The following PROM2 variants were observed in gnomAD, a reference collection of about 807,000 sequenced individuals.
PROM2 encodes the protein prominin-2.
Under a neutral mutation model 110.2 loss-of-function variants are expected in PROM2, and 90 were observed. The observed-to-expected ratio is 0.82, with a 90% CI of 0.69 to 0.97. The LOEUF (loss-of-function observed/expected upper bound fraction) is 0.97. PROM2 is among the 50% of genes least tolerant of loss of function. PROM2 has a pLI of 0.00. For synonymous variants in PROM2, 470 were observed against 467.8 expected (o/e 1.00, Z -0.06); for missense variants, 1,009 against 1,074.8 (o/e 0.94, Z 0.86).
At position 95,286,769 on chromosome 2, in the gene PROM2, C is replaced by T. The variant is rs762943591; in HGVS notation, c.2041-35C>T. The T allele has an allele frequency of 3.1e-6, 5 of 1,594,864 alleles. No individual in the cohort carries two copies. The Admixed American group carries it at 8.4e-5, about 27-fold the overall frequency. On this transcript the variant is annotated intron_variant, in intron 17 of 23. Coordinates refer to ENST00000317620, the MANE Select transcript of PROM2 (RefSeq NM_001165978.3). ...CCCTCTCCTCCCTCCCCTTCCCTTG[C>T]ACTCCCCTAACCAGCCCTGATCTCT...
chr2:95,281,408 G>A (rs1305123264), intron 12 of PROM2, 43 bp downstream of exon 12: 4 of 1,591,104 alleles, frequency 2.5e-6, no homozygotes, highest in Non-Finnish European at 3.4e-6. Context: ...GGAGAGAGGT[G>A]GGGGGCGGTA....
At chr2:95,288,445 C>A in intron 21 of PROM2, 38 bp from the exon 22 acceptor site, 1 of 1,602,426 alleles carries the variant, frequency 6.2e-7, no homozygotes, top group South Asian at 1.1e-5. Context: ...GGCTGGGTGC[C>A]ACGTGGGTTG....
chr2:95,276,913 A>C lies in PROM2; in HGVS notation c.683-59A>C. The C allele has an allele frequency of 1.3e-6, 2 of 1,498,612 alleles. No homozygotes were observed. The highest frequency in any genetic ancestry group is 1.8e-6 in the Non-Finnish European group (2 of 1,099,814). The allele number at this position is 1,498,612 out of a possible 1,614,324, so 92.8% of individuals were successfully genotyped here. A position where few individuals can be genotyped will look rare whatever the true frequency, so the allele number is the denominator to read the frequency against. The stretch of plus-strand genomic sequence containing the variant: ...TGGGGCCTGGGGAGGCAGGATGGGA[A>C]TGGGGAGGGCCCCTCCACTCTTGGG... On this transcript the variant is annotated intron_variant, in intron 5 of 23. Coordinates refer to ENST00000317620, the MANE Select transcript of PROM2 (RefSeq NM_001165978.3). The surrounding 1 kb of genome is among the most constrained non-coding windows in gnomAD (Gnocchi z 4.6).
Position 95,274,556 on chromosome 2 carries a change from T to A in PROM2, c.-30T>A. On this transcript the variant is annotated 5_prime_UTR_variant, in exon 1 of 24. Coordinates refer to ENST00000317620, the MANE Select transcript of PROM2 (RefSeq NM_001165978.3). The stretch of plus-strand genomic sequence containing the variant: ...TGCCCTGGGCTTGTCTGTTCCCTCC[T>A]GAGCCTGAGCCCCTTACCTTCCTGA... The A allele has an allele frequency of 6.5e-7, 1 of 1,541,070 alleles. No homozygotes were observed. The highest frequency in any genetic ancestry group is 8.8e-7 in the Non-Finnish European group (1 of 1,141,600).
At position 95,288,289 on chromosome 2, in the gene PROM2, G is replaced by T. The variant is rs1180994046; in HGVS notation, c.2323G>T (p.Ala775Ser). Residue 775 changes from alanine (A) to serine (S), a missense_variant, in exon 21 of 24, where the codon GCT becomes TCT. Transcript: ENST00000317620. Reference protein sequence around the residue: ...NSRVILCDMMADPWNAFWFCL... With the variant: ...NSRVILCDMMSDPWNAFWFCL... Reference sequence around the variant, plus strand: ...CCGTGTGATCCTGTGTGACATGATGGCTGACCCCTGGGTGAGTGCCCCAGC... The same window carrying T: ...CCGTGTGATCCTGTGTGACATGATGTCTGACCCCTGGGTGAGTGCCCCAGC... 1 of 1,614,064 alleles carries T rather than the reference G, an allele frequency of 6.2e-7. No homozygotes were observed. The highest frequency in any genetic ancestry group is 1.1e-5 in the South Asian group (1 of 91,086).
At chr2:95,289,061 GT>G in intron 23 of PROM2, 55 bp downstream of exon 23, 1 of 1,350,084 alleles carries the variant, frequency 7.4e-7, no homozygotes, top group Non-Finnish European at 1.1e-6. Context: ...AGGGAGTGGG[GT>G]GGGGAGGGGC....
chr2:95,278,613 CTG>C (rs1450257375), intron 8 of PROM2, 106 bp from the exon 9 acceptor site: 20 of 1,255,590 alleles, frequency 1.6e-5, no homozygotes, highest in Non-Finnish European at 2.2e-5. Flanking sequence ...AAGAGGGAAA[CTG>C]GGAGCACTGA....
intron 10 of PROM2, 82 bp from the exon 11 acceptor site, chr2:95,279,763 C>G: frequency 8.1e-7 from 1 of 1,231,478 alleles, no homozygotes; most frequent in South Asian, 2.8e-5. Flanking sequence ...AGAGGCCACA[C>G]CCGGTCGCCA....
Position 95,275,657 on chromosome 2 carries a change from G to T in PROM2, c.294+147G>T. On this transcript the variant is annotated intron_variant, in intron 2 of 23. Transcript: ENST00000317620. This position sits in a 1 kb window ranked among gnomAD's most constrained non-coding sequence, Gnocchi z 4.4. ...GCATCCTCTCCCCTCCTCTGTGGGC[G>T]CTGCAGTCCGTAGACCTGGGTGCAA... 1 of 1,347,376 alleles carries T rather than the reference G, an allele frequency of 7.4e-7. No individual in the cohort carries two copies. The highest frequency in any genetic ancestry group is 1.0e-6 in the Non-Finnish European group (1 of 1,001,426). The allele number at this position is 1,347,376 out of a possible 1,614,324, so 83.5% of individuals were successfully genotyped here. A position where few individuals can be genotyped will look rare whatever the true frequency, so the allele number is the denominator to read the frequency against.
chr2:95,284,758 A>G (rs1677245170), intron 14 of PROM2, among the ~76,000 whole-genome samples: 1 of 152,218 alleles, frequency 6.6e-6, no homozygotes, highest in African/African-American at 2.4e-5. Flanking sequence ...CAATGGCACT[A>G]AGCCATACGT....
intron 20 of PROM2, 142 bp downstream of exon 20, chr2:95,287,606 A>G: frequency 5.4e-6 from 4 of 746,374 alleles, no homozygotes; most frequent in Non-Finnish European, 8.8e-6. Context: ...CAAACCTGGC[A>G]TCTGCACCCC....
In PROM2 at chr2:95,288,798, C is replaced by T. The variant is rs1175236332; in HGVS notation, c.2442-135C>T. 2.9e-5 allele frequency: 27 copies of T among 939,904 alleles called. No individual in the cohort carries two copies. In the East Asian group the frequency reaches 3.6e-4, roughly 13 times the overall value. The allele number at this position is 939,904 out of a possible 1,614,324, so 58.2% of individuals were successfully genotyped here. A position where few individuals can be genotyped will look rare whatever the true frequency, so the allele number is the denominator to read the frequency against. ...ACCCTTCTTGCTGCATCCATTTGGG[C>T]GCAGCTTCGTGGGACCCTTCCCATC... On this transcript the variant is annotated intron_variant, in intron 22 of 23. Coordinates refer to ENST00000317620, the MANE Select transcript of PROM2 (RefSeq NM_001165978.3).
Position 95,275,884 on chromosome 2 carries a change from G to T in PROM2, c.295-46G>T. Reference sequence around the variant, plus strand: ...CTGGACTCAGGCAGAAGCCAGGGCTGGGCAGTGGGGGTCGGGTCACCCCTC... The same window carrying T: ...CTGGACTCAGGCAGAAGCCAGGGCTTGGCAGTGGGGGTCGGGTCACCCCTC... On this transcript the variant is annotated intron_variant, in intron 2 of 23. Coordinates refer to ENST00000317620, the MANE Select transcript of PROM2 (RefSeq NM_001165978.3). This position sits in a 1 kb window ranked among gnomAD's most constrained non-coding sequence, Gnocchi z 4.4. 1 of 1,571,808 alleles carries T rather than the reference G, an allele frequency of 6.4e-7. No individual in the cohort carries two copies. The highest frequency in any genetic ancestry group is 1.2e-5 in the South Asian group (1 of 86,222).
Position 95,277,021 on chromosome 2 carries a change from C to T in PROM2, c.732C>T (p.Ser244=), listed in dbSNP as rs375760998. 118 of 1,553,100 alleles carry T rather than the reference C, an allele frequency of 7.6e-5. No individual in the cohort carries two copies. The highest frequency in any genetic ancestry group is 1.2e-4 in the Admixed American group (6 of 51,136). The part of the protein sequence containing the change: ...GSAIHTQLRS[S]VYPLLAAVGS... Reference sequence around the variant, plus strand: ...CGATCCACACTCAGCTCAGGAGCTCCGTGTACCCCTTGCTGGCGGCCGTGG... The same window carrying T: ...CGATCCACACTCAGCTCAGGAGCTCTGTGTACCCCTTGCTGGCGGCCGTGG... Residue 244 remains serine (S), a synonymous_variant, in exon 6 of 24, where the codon TCC becomes TCT. Coordinates refer to ENST00000317620, the MANE Select transcript of PROM2 (RefSeq NM_001165978.3).
In PROM2 at chr2:95,277,920, C is replaced by T. The variant is rs769948641; in HGVS notation, c.976-10C>T. On this transcript the variant is annotated splice_polypyrimidine_tract_variant and intron_variant, in intron 7 of 23. Transcript: ENST00000317620. The stretch of plus-strand genomic sequence containing the variant: ...TGAACTTTGTCATAACCCACCTTCC[C>T]CCATTTCAGGTGCCCTCTGTGGACC... 6.2e-6 allele frequency: 10 copies of T among 1,611,048 alleles called. No individual in the cohort carries two copies. Among genetic ancestry groups the T allele is most frequent in the Non-Finnish European group, 8.5e-6 (10 of 1,178,942 alleles).
Position 95,276,615 on chromosome 2 carries a change from C to T in PROM2, c.640C>T (p.Gln214Ter), listed in dbSNP as rs1431319333. The change falls in exon 5 of 24, where the codon CAA (glutamine) becomes TAA (stop). Residue 214 changes from glutamine (Q) to a stop codon, truncating the protein, a stop_gained. Transcript: ENST00000317620. LOFTEE classifies it high-confidence loss of function. The surrounding 1 kb of genome is among the most constrained non-coding windows in gnomAD (Gnocchi z 4.6). Reference protein sequence around the residue: ...VPQELQAVAQQFSLPQEQVSE... With the variant: ...VPQELQAVAQ ...CTAGGAGCTGCAGGCCGTGGCACAG[C>T]AATTCTCCCTGCCCCAGGAGCAAGT... The T allele has an allele frequency of 6.2e-7, 1 of 1,613,522 alleles. No individual in the cohort carries two copies. The highest frequency in any genetic ancestry group is 8.5e-7 in the Non-Finnish European group (1 of 1,179,986).
intron 20 of PROM2, 97 bp downstream of exon 20, chr2:95,287,561 G>GGC: frequency 7.9e-7 from 1 of 1,258,108 alleles, no homozygotes; most frequent in Non-Finnish European, 1.1e-6. Flanking sequence ...GCCCCTTGGG[G>GGC]GTGACCCAGG....
chr2:95,276,155 G>A lies in PROM2; in HGVS notation c.497+23G>A. The A allele has an allele frequency of 6.2e-7, 1 of 1,612,108 alleles. No homozygotes were observed. Among genetic ancestry groups the A allele is most frequent in the South Asian group, 1.1e-5 (1 of 91,036 alleles). On this transcript the variant is annotated intron_variant, in intron 3 of 23. Coordinates refer to ENST00000317620, the MANE Select transcript of PROM2 (RefSeq NM_001165978.3). This position sits in a 1 kb window ranked among gnomAD's most constrained non-coding sequence, Gnocchi z 4.6. ...GCTGTAAGGCGCTGCCCAGGGCCCG[G>A]GTAGGGCGGGCTGTGGCCCCCAGGC...
In PROM2 at chr2:95,289,337, G is replaced by T. The variant is rs1277780867; in HGVS notation, c.*124G>T. On this transcript the variant is annotated 3_prime_UTR_variant, in exon 24 of 24. Coordinates refer to ENST00000317620, the MANE Select transcript of PROM2 (RefSeq NM_001165978.3). ...GGCATCCAGGCCTGGACTGTCCCCA[G>T]TTCCGGCTTACCTGGCCCCACCTTG... 2 of 343,896 alleles carry T rather than the reference G, an allele frequency of 5.8e-6. No individual in the cohort carries two copies. The highest frequency in any genetic ancestry group is 2.1e-5 in the African/African-American group (1 of 47,796). The allele number at this position is 343,896 out of a possible 1,614,324, so 21.3% of individuals were successfully genotyped here. A position where few individuals can be genotyped will look rare whatever the true frequency, so the allele number is the denominator to read the frequency against.
Sources: gnomAD v4.1 joint callset for allele counts (sites outside exome capture counted in the v4.1 genomes callset) on GRCh38, gnomAD v4.1.1 for gene constraint, Gnocchi (gnomAD v3.1) non-coding constraint, MANE v1.5 for transcripts, NCBI Gene and HGNC (gene_info 2026-07-23, HGNC 2026-07-21) for gene names.